Variants in CUX1 observed in about 807,000 individuals in gnomAD.
CUX1 encodes the protein cut like homeobox 1, also known as protein CASP.
In CUX1, 31 loss-of-function variants were observed where a neutral mutation model predicts 158.8. The observed-to-expected ratio is 0.20, with a 90% CI of 0.15 to 0.26. The LOEUF (loss-of-function observed/expected upper bound fraction) is 0.26, where lower values mean the gene tolerates loss of function less well. Among genes scored for constraint, CUX1 ranks in the 10% least tolerant of loss-of-function variants. The pLI is 1.00. For missense variants in CUX1, 1,589 were observed against 2,014.6 expected (o/e 0.79, Z 4.04); for synonymous variants, 879 against 862.1 (o/e 1.02, Z -0.34).
intron 1 of CUX1, among the ~76,000 whole-genome samples, chr7:101,856,014 TA>T (rs1240130228): frequency 1.3e-5 from 2 of 150,856 alleles, no homozygotes; most frequent in Admixed American, 1.3e-4. Context: ...AACCCGTCTG[TA>T]CAAAAAATAA....
At chr7:102,142,510 A>G (rs1834567389) in intron 8 of CUX1, among the ~76,000 whole-genome samples, 1 of 152,216 alleles carries the variant, frequency 6.6e-6, no homozygotes. Flanking sequence ...CTGTAAGCCC[A>G]GCTAGTTGGG....
chr7:101,981,685 T>C (rs972573869), intron 2 of CUX1, among the ~76,000 whole-genome samples: 18 of 151,882 alleles, frequency 1.2e-4, no homozygotes, highest in African/African-American at 4.1e-4. Context: ...CGATCTCGGC[T>C]CTGCAACCTC....
chr7:102,233,421 G>C (rs1178722538), intron 21 of CUX1, among the ~76,000 whole-genome samples: 2 of 152,152 alleles, frequency 1.3e-5, no homozygotes, highest in East Asian at 3.9e-4. Flanking sequence ...CAAACCCCTG[G>C]GCTCAAATGA....
intron 1 of CUX1, chr7:101,913,306 C>G: frequency 1.7e-6 from 2 of 1,208,794 alleles, no homozygotes; most frequent in Non-Finnish European, 2.2e-6. Flanking sequence ...TTTGGAGACC[C>G]CCGTGGGTTT....
At chr7:102,094,218 A>T (rs1351186235) in intron 4 of CUX1, among the ~76,000 whole-genome samples, 1 of 152,234 alleles carries the variant, frequency 6.6e-6, no homozygotes, top group Non-Finnish European at 1.5e-5. Context: ...CCTCTTACAT[A>T]TCCCAAAACA....
chr7:102,279,914 C>G, intron 18 of CUX1: 1 of 687,034 alleles, frequency 1.5e-6, no homozygotes, highest in South Asian at 1.6e-5. Flanking sequence ...CCTCTGAGAT[C>G]TAGGGCTCCC....
chr7:101,850,202 G>A (rs1018326875), intron 1 of CUX1, among the ~76,000 whole-genome samples: 9 of 152,184 alleles, frequency 5.9e-5, no homozygotes, highest in Middle Eastern at 3.4e-3. Flanking sequence ...GGGATTACAA[G>A]TGTGAGCCAC....
intron 2 of CUX1, among the ~76,000 whole-genome samples, chr7:101,992,209 A>C (rs1314164203): frequency 6.6e-6 from 1 of 152,134 alleles, no homozygotes; most frequent in Non-Finnish European, 1.5e-5. Flanking sequence ...TGAGCTCCTT[A>C]AAGCACAGGG....
chr7:102,043,983 G>A (rs1216963611), intron 3 of CUX1, among the ~76,000 whole-genome samples: 1 of 152,032 alleles, frequency 6.6e-6, no homozygotes, highest in African/African-American at 2.4e-5. Flanking sequence ...TCAGCCGTTT[G>A]CATGTCTTTT....
chr7:102,051,827 T>C (rs529544501), intron 3 of CUX1, among the ~76,000 whole-genome samples: 1 of 152,314 alleles, frequency 6.6e-6, no homozygotes, highest in South Asian at 2.1e-4. Context: ...TTCGCTTTGC[T>C]TTTCTTTTTA....
At chr7:101,903,526 G>A (rs766481286) in intron 1 of CUX1, among the ~76,000 whole-genome samples, 4 of 152,222 alleles carry the variant, frequency 2.6e-5, no homozygotes, top group African/African-American at 9.6e-5. Context: ...CTTATAAAAC[G>A]GACATTTTTT....
intron 8 of CUX1, among the ~76,000 whole-genome samples, chr7:102,123,345 C>T (rs1381369620): frequency 1.3e-5 from 2 of 152,070 alleles, no homozygotes; most frequent in South Asian, 4.2e-4. Context: ...CGCAGTGGCT[C>T]ATGCCTGTAA....
chr7:101,940,651 G>T (rs1488603779), intron 2 of CUX1, among the ~76,000 whole-genome samples: 1 of 152,128 alleles, frequency 6.6e-6, no homozygotes, highest in African/African-American at 2.4e-5. Context: ...GCTTGCAAGG[G>T]AATGTGTTTT....
chr7:101,905,168 C>T (rs76617614), intron 1 of CUX1, among the ~76,000 whole-genome samples: 54 of 152,232 alleles, frequency 3.5e-4, no homozygotes, highest in East Asian at 1.2e-3. Flanking sequence ...GACATTGTCT[C>T]GTATAAACTA....
Position 102,082,345 on chromosome 7 carries a change from G to T in CUX1, c.268+11928G>T, listed in dbSNP as rs1290394682. On this transcript the variant is annotated intron_variant, in intron 4 of 23. Transcript: ENST00000292535. ...AGTTCGAGACCAGCCTGGCCAACAT[G>T]GTGAAACCCCGTCTCTACTAAAAAT... Among the ~76,000 whole-genome samples the T allele has an allele frequency of 1.4e-5, 2 of 146,480 alleles. 1 individual carries two copies. The highest frequency in any genetic ancestry group is 3.1e-5 in the Non-Finnish European group (2 of 64,804).
chr7:102,124,469 T>C (rs1832391055), intron 8 of CUX1, among the ~76,000 whole-genome samples: 1 of 152,170 alleles, frequency 6.6e-6, no homozygotes, highest in Admixed American at 6.5e-5. Flanking sequence ...ATGAAGAAAA[T>C]GTGTAGATCC....
chr7:102,178,559 C>A lies in CUX1; in HGVS notation c.919C>A (p.Gln307Lys), dbSNP rs782169374. The change falls in exon 11 of 24, where the codon CAG (glutamine) becomes AAG (lysine). Residue 307 changes from glutamine (Q) to lysine (K), a missense_variant. Around this residue, in one of 8 missense-constraint regions of CUX1, gnomAD observed 515 missense variants for 574.4 expected, o/e 0.90. Transcript: ENST00000292535. ...REIAQLVEDV[Q>K]RLQASLTKLR... ...GATCGCACAGCTGGTGGAGGACGTG[C>A]AGAGACTCCAGGCCAGCCTCACCAA... The A allele has an allele frequency of 6.2e-7, 1 of 1,613,110 alleles. No homozygotes were observed. The highest frequency in any genetic ancestry group is 2.2e-5 in the East Asian group (1 of 44,840).
intron 1 of CUX1, among the ~76,000 whole-genome samples, chr7:101,844,286 ATTCCTT>A (rs1795463350): frequency 1.3e-5 from 2 of 150,582 alleles, no homozygotes; most frequent in African/African-American, 4.9e-5. Flanking sequence ...TTTCCTCCAG[ATTCCTT>A]TTCAGAGCAC....
intron 2 of CUX1, chr7:101,960,905 G>A (rs1438501948): frequency 1.3e-5 from 2 of 152,234 alleles, no homozygotes; most frequent in Non-Finnish European, 2.9e-5. Context: ...GTGATTAGAA[G>A]GTGAGCTTCA....
Sources: gnomAD v4.1 joint callset for allele counts (sites outside exome capture counted in the v4.1 genomes callset) on GRCh38, gnomAD v4.1.1 for gene constraint, gnomAD v4.1.1 regional missense constraint, MANE v1.5 for transcripts, NCBI Gene and HGNC (gene_info 2026-07-23, HGNC 2026-07-21) for gene names.